The following HPCAL1 variants were observed in gnomAD, a reference collection of about 807,000 sequenced individuals.
HPCAL1 encodes hippocalcin like 1.
A neutral mutation model predicts 17.1 loss-of-function variants in HPCAL1; 8 were observed. The ratio of observed to expected loss-of-function variants is 0.47; its 90% CI spans 0.27 to 0.84. HPCAL1 has a LOEUF of 0.84. HPCAL1 is among the 40% of genes least tolerant of loss of function. The pLI, the probability that HPCAL1 is intolerant of heterozygous loss-of-function variation, is 0.13. For synonymous variants in HPCAL1, 112 were observed against 111.4 expected (o/e 1.01, Z -0.03); for missense variants, 165 against 271.1 (o/e 0.61, Z 2.75).
chr2:10,427,311 T>C lies in HPCAL1; in HGVS notation c.*490T>C, dbSNP rs1230838496. ...CCGCTTGCACGTATAGATACTGTGGTCCCCTTTCTTTTAATATATAAATTA... is the reference window on the plus strand; with the variant it reads ...CCGCTTGCACGTATAGATACTGTGGCCCCCTTTCTTTTAATATATAAATTA... On this transcript the variant is annotated 3_prime_UTR_variant, in exon 5 of 5. Transcript: ENST00000307845. The C allele has an allele frequency of 6.3e-6, 1 of 158,162 alleles. No homozygotes were observed. The highest frequency in any genetic ancestry group is 2.4e-5 in the African/African-American group (1 of 41,536). 9.8% of individuals were successfully genotyped at this position (158,162 alleles called of 1,614,324 possible). A position where few individuals can be genotyped will look rare whatever the true frequency, so the allele number is the denominator to read the frequency against.
At chr2:10,339,319 A>ATTTT (rs772333157) in intron 1 of HPCAL1, among the ~76,000 whole-genome samples, 1 of 132,808 alleles carries the variant, frequency 7.5e-6, no homozygotes. Flanking sequence ...TGCCCACCTA[A>ATTTT]TTTTTTTTTT....
In HPCAL1 at chr2:10,343,474, A is replaced by G. The variant is rs1665221980; in HGVS notation, c.-111+40297A>G. Among the ~76,000 whole-genome samples, 1 of 152,222 alleles carries G rather than the reference A, an allele frequency of 6.6e-6. No individual in the cohort carries two copies. Among genetic ancestry groups the G allele is most frequent in the Admixed American group, 6.5e-5 (1 of 15,286 alleles). On this transcript the variant is annotated intron_variant, in intron 1 of 4. Coordinates refer to ENST00000307845, the MANE Select transcript of HPCAL1 (RefSeq NM_002149.4). The surrounding 1 kb of genome is among the most constrained non-coding windows in gnomAD (Gnocchi z 4.8). ...GCAGGTGAGCCAGCCTAGTTTGTCC[A>G]CAGACTTCCATGCAAGTGATTCCTG...
chr2:10,309,495 C>T (rs1260402898), intron 1 of HPCAL1, among the ~76,000 whole-genome samples: 1 of 152,180 alleles, frequency 6.6e-6, no homozygotes, highest in Non-Finnish European at 1.5e-5. Context: ...CTTGCCTGGG[C>T]TGGTGTTCAG....
chr2:10,316,652 T>C (rs1205087930), intron 1 of HPCAL1, among the ~76,000 whole-genome samples: 1 of 152,046 alleles, frequency 6.6e-6, no homozygotes, highest in Non-Finnish European at 1.5e-5. Flanking sequence ...ATCAGAAAAA[T>C]TGGCTAATAT....
rs1665298268 is a variant in HPCAL1 at position 10,344,692 on chromosome 2, GCTCTGT to G, written c.-111+41526_-111+41531del. ...CCCCCTTCCCTTCCTCCCAGGACTT[GCTCTGT>G]CTCTGTCTCTTTCTCTGTGTCTGTC... On this transcript the variant is annotated intron_variant, in intron 1 of 4. Transcript: ENST00000307845. The surrounding 1 kb of genome is among the most constrained non-coding windows in gnomAD (Gnocchi z 4.9). 6.6e-6 allele frequency among the ~76,000 whole-genome samples: 1 copy of G among 152,040 alleles called. No individual in the cohort carries two copies. Among genetic ancestry groups the G allele is most frequent in the South Asian group, 2.1e-4 (1 of 4,828 alleles).
intron 2 of HPCAL1, among the ~76,000 whole-genome samples, chr2:10,417,355 C>G (rs1031934130): frequency 1.3e-5 from 2 of 150,952 alleles, no homozygotes; most frequent in African/African-American, 4.9e-5. Context: ...AAGAGCGAAA[C>G]TCCCTCTCAA....
chr2:10,401,865 C>T (rs1024561059), intron 2 of HPCAL1, among the ~76,000 whole-genome samples: 3 of 152,258 alleles, frequency 2.0e-5, no homozygotes, highest in Admixed American at 1.3e-4. Context: ...CCAAGCCCGG[C>T]GCCAGGCTCA....
At chr2:10,402,200 A>G (rs1669658809) in intron 2 of HPCAL1, among the ~76,000 whole-genome samples, 1 of 152,186 alleles carries the variant, frequency 6.6e-6, no homozygotes, top group African/African-American at 2.4e-5. Flanking sequence ...GCACCCGGCC[A>G]GGAACTGAAC....
chr2:10,318,378 G>A (rs1558453321), intron 1 of HPCAL1, among the ~76,000 whole-genome samples: 1 of 151,294 alleles, frequency 6.6e-6, no homozygotes, highest in Non-Finnish European at 1.5e-5. Context: ...AGAAAAAGGC[G>A]GCCACTCTTT....
intron 1 of HPCAL1, among the ~76,000 whole-genome samples, chr2:10,348,600 CA>C (rs56194796): frequency 0.46 from 66,513 of 144,052 alleles, 15,450 homozygotes; most frequent in East Asian, 0.69. Context: ...CCTGTCTCTA[CA>C]AAAAAAAAAA....
At chr2:10,400,299 C>T (rs1336960044) in intron 2 of HPCAL1, among the ~76,000 whole-genome samples, 1 of 152,236 alleles carries the variant, frequency 6.6e-6, no homozygotes, top group Admixed American at 6.5e-5. Flanking sequence ...TCGGCACAGC[C>T]AGACCCCCAC....
chr2:10,421,994 T>C (rs183860631), intron 3 of HPCAL1, among the ~76,000 whole-genome samples: 26 of 152,304 alleles, frequency 1.7e-4, no homozygotes, highest in African/African-American at 4.6e-4. Flanking sequence ...ACCCGTCCTG[T>C]CCTGTGTGTT....
At chr2:10,332,147 G>A (rs562160752) in intron 1 of HPCAL1, among the ~76,000 whole-genome samples, 4 of 152,232 alleles carry the variant, frequency 2.6e-5, no homozygotes, top group African/African-American at 9.6e-5. Context: ...TGCTTTTGGG[G>A]ACGATCACAG....
chr2:10,379,024 C>T (rs919881135), intron 1 of HPCAL1, among the ~76,000 whole-genome samples: 3 of 152,024 alleles, frequency 2.0e-5, no homozygotes, highest in African/African-American at 7.3e-5. Flanking sequence ...CATTCATTTC[C>T]TGTATCATTA....
Position 10,358,207 on chromosome 2 carries a change from CA to C in HPCAL1, c.-110-38627del, listed in dbSNP as rs566606716. Among the ~76,000 whole-genome samples the C allele has an allele frequency of 5.4e-4, 82 of 152,336 alleles. 4 individuals are homozygous for C. The highest frequency in any genetic ancestry group is 1.9e-3 in the African/African-American group (77 of 41,574). On this transcript the variant is annotated intron_variant, in intron 1 of 4. Transcript: ENST00000307845. ...TAGATGTGCGGTAACATCAGGTTGT[CA>C]GGCCCTATTTTGTGATAGAAAGGAT...
At chr2:10,346,344 A>C (rs1183782366) in intron 1 of HPCAL1, among the ~76,000 whole-genome samples, 1 of 152,108 alleles carries the variant, frequency 6.6e-6, no homozygotes, top group Non-Finnish European at 1.5e-5. Context: ...GAGGGGATGG[A>C]ATGGGACTGA....
chr2:10,419,273 T>C lies in HPCAL1; in HGVS notation c.-24-461T>C, dbSNP rs553110004. ...GTGGGGGTGACTCCCTGAAAGTTTCTAGACGCCTCTTCTAAAGATAAAAAC... is the reference window on the plus strand; with the variant it reads ...GTGGGGGTGACTCCCTGAAAGTTTCCAGACGCCTCTTCTAAAGATAAAAAC... On this transcript the variant is annotated intron_variant, in intron 2 of 4. Coordinates refer to ENST00000307845, the MANE Select transcript of HPCAL1 (RefSeq NM_002149.4). The surrounding 1 kb of genome is among the most constrained non-coding windows in gnomAD (Gnocchi z 5.0). 6.6e-6 allele frequency among the ~76,000 whole-genome samples: 1 copy of C among 152,254 alleles called. No individual in the cohort carries two copies. The highest frequency in any genetic ancestry group is 1.9e-4 in the East Asian group (1 of 5,180).
chr2:10,338,107 G>C (rs967744243), intron 1 of HPCAL1, among the ~76,000 whole-genome samples: 30 of 152,236 alleles, frequency 2.0e-4, no homozygotes, highest in African/African-American at 6.7e-4. Context: ...CTATCATTCT[G>C]TGTACATGAG....
chr2:10,315,776 G>T (rs1663276402), intron 1 of HPCAL1, among the ~76,000 whole-genome samples: 1 of 152,170 alleles, frequency 6.6e-6, no homozygotes, highest in Non-Finnish European at 1.5e-5. Flanking sequence ...GGAGGCTGAG[G>T]CAGGCGGATC....
Sources: gnomAD v4.1 joint callset for allele counts (sites outside exome capture counted in the v4.1 genomes callset) on GRCh38, gnomAD v4.1.1 for gene constraint, Gnocchi (gnomAD v3.1) non-coding constraint, MANE v1.5 for transcripts, NCBI Gene and HGNC (gene_info 2026-07-23, HGNC 2026-07-21) for gene names.